Variants in PCSK5 observed in about 807,000 individuals in gnomAD.
PCSK5 encodes the protein proprotein convertase subtilisin/kexin type 5, also known as prohormone convertase 5.
PCSK5 carries 129 observed loss-of-function variants against 233.2 expected under a neutral mutation model. That is an observed-to-expected ratio of 0.55 (90% confidence interval 0.48 to 0.64). The LOEUF (loss-of-function observed/expected upper bound fraction) is 0.64, where lower values mean the gene tolerates loss of function less well. Among genes scored for constraint, PCSK5 ranks in the 30% least tolerant of loss-of-function variants. The probability of loss-of-function intolerance (pLI) is 0.00; values close to 1 mark genes in which losing one functional copy is unlikely to be tolerated. For synonymous variants in PCSK5, 825 were observed against 879.2 expected (o/e 0.94, Z 1.09); for missense variants, 2,076 against 2,430.1 (o/e 0.85, Z 3.06).
At chr9:76,083,225 AAAG>A (rs1451358617) in intron 7 of PCSK5, among the ~76,000 whole-genome samples, 10 of 151,272 alleles carry the variant, frequency 6.6e-5, no homozygotes, top group East Asian at 3.9e-4. Context: ...AAAAAAAAAA[AAAG>A]AAGAAGTATT....
At chr9:76,156,933 G>T in intron 10 of PCSK5, 112 bp from the exon 11 acceptor site, 1 of 715,622 alleles carries the variant, frequency 1.4e-6, no homozygotes, top group Non-Finnish European at 2.5e-6. Context: ...TCAAATCATT[G>T]CTGGAAAGAT....
chr9:76,135,033 A>T (rs1228475426), intron 10 of PCSK5, among the ~76,000 whole-genome samples: 4 of 152,012 alleles, frequency 2.6e-5, no homozygotes, highest in Non-Finnish European at 4.4e-5. Context: ...TTCCCAAATA[A>T]TCTTAGTATC....
At chr9:76,356,388 A>G (rs1830304146) in intron 37 of PCSK5, among the ~76,000 whole-genome samples, 1 of 152,172 alleles carries the variant, frequency 6.6e-6, no homozygotes, top group Non-Finnish European at 1.5e-5. Context: ...AAACCATATC[A>G]CAAAGGCTAA....
At chr9:76,058,409 A>T (rs1025862960) in intron 5 of PCSK5, among the ~76,000 whole-genome samples, 2 of 152,218 alleles carry the variant, frequency 1.3e-5, no homozygotes, top group African/African-American at 4.8e-5. Flanking sequence ...ACATAGTGAG[A>T]TAGAGGACAT....
chr9:76,357,796 C>T (rs778044056), intron 37 of PCSK5, among the ~76,000 whole-genome samples: 1 of 152,146 alleles, frequency 6.6e-6, no homozygotes, highest in Non-Finnish European at 1.5e-5. Context: ...AAATGTCAAA[C>T]AACAAATTGG....
At chr9:76,251,213 G>A (rs974504232) in intron 24 of PCSK5, among the ~76,000 whole-genome samples, 1 of 152,140 alleles carries the variant, frequency 6.6e-6, no homozygotes, top group African/African-American at 2.4e-5. Flanking sequence ...GCGGCAGTGA[G>A]CTATGATCAC....
chr9:76,175,286 C>A (rs375090801), intron 14 of PCSK5, 157 bp downstream of exon 14: 11,535 of 539,664 alleles, frequency 0.021, 196 homozygotes, highest in East Asian at 0.068. Context: ...CGAATCGAAT[C>A]GAATCGAATA....
intron 23 of PCSK5, 29 bp downstream of exon 23, chr9:76,239,194 C>A (rs1455925105): frequency 3.9e-6 from 6 of 1,523,662 alleles, no homozygotes; most frequent in Non-Finnish European, 8.9e-7. Flanking sequence ...CCTTGCCCAG[C>A]ACCCGAACAT....
intron 12 of PCSK5, among the ~76,000 whole-genome samples, chr9:76,169,130 G>A (rs1176565325): frequency 2.0e-5 from 3 of 152,170 alleles, no homozygotes; most frequent in South Asian, 2.1e-4. Context: ...GATACAGAGG[G>A]CCGACTGTAC....
chr9:76,355,605 G>C (rs1830280931), intron 37 of PCSK5, among the ~76,000 whole-genome samples: 1 of 152,180 alleles, frequency 6.6e-6, no homozygotes, highest in Admixed American at 6.5e-5. Context: ...TTTGTGAGTT[G>C]GTCTATTTGT....
At chr9:75,952,724 G>A (rs1337626990) in intron 2 of PCSK5, among the ~76,000 whole-genome samples, 1 of 152,130 alleles carries the variant, frequency 6.6e-6, no homozygotes, top group Admixed American at 6.5e-5. Flanking sequence ...TCGGTATGTA[G>A]TCTTTTGAGT....
At chr9:76,279,855 T>A (rs368927645) in intron 24 of PCSK5, among the ~76,000 whole-genome samples, 2 of 151,438 alleles carry the variant, frequency 1.3e-5, no homozygotes, top group African/African-American at 4.9e-5. Context: ...TTCTCCCATT[T>A]TGTAGGTTGC....
chr9:76,031,534 A>T (rs553005724), intron 5 of PCSK5, among the ~76,000 whole-genome samples: 8 of 152,216 alleles, frequency 5.3e-5, no homozygotes, highest in African/African-American at 1.9e-4. Flanking sequence ...CTAAATACAT[A>T]AATAAATAGC....
intron 2 of PCSK5, among the ~76,000 whole-genome samples, chr9:75,966,038 C>T (rs1482425381): frequency 6.6e-6 from 1 of 152,166 alleles, no homozygotes; most frequent in Non-Finnish European, 1.5e-5. Context: ...GTAGACAAGT[C>T]CAGTGCAAGG....
intron 8 of PCSK5, among the ~76,000 whole-genome samples, chr9:76,099,567 C>T (rs1359722783): frequency 2.0e-5 from 3 of 152,176 alleles, no homozygotes; most frequent in Non-Finnish European, 4.4e-5. Flanking sequence ...TAAAGAAAGA[C>T]ACTCTGATCG....
intron 7 of PCSK5, among the ~76,000 whole-genome samples, chr9:76,087,739 G>A (rs1831122614): frequency 6.6e-6 from 1 of 152,136 alleles, no homozygotes; most frequent in Non-Finnish European, 1.5e-5. Context: ...TCATTAAAAA[G>A]TCAAAAGAAC....
intron 3 of PCSK5, among the ~76,000 whole-genome samples, chr9:75,998,084 CTTAG>C (rs755797150): frequency 2.0e-5 from 3 of 152,290 alleles, no homozygotes; most frequent in African/African-American, 7.2e-5. Context: ...TGTCCTGAAA[CTTAG>C]TTAAATTAGT....
intron 2 of PCSK5, among the ~76,000 whole-genome samples, chr9:75,976,274 CCACA>C (rs10562995): frequency 0.093 from 13,136 of 141,282 alleles, 654 homozygotes; most frequent in Admixed American, 0.17. Flanking sequence ...CACACAGACA[CCACA>C]CACACACACA....
At chr9:76,130,791 C>A (rs1006266193) in intron 9 of PCSK5, among the ~76,000 whole-genome samples, 19 of 152,168 alleles carry the variant, frequency 1.2e-4, no homozygotes, top group African/African-American at 3.6e-4. Context: ...TGTTTAAGGG[C>A]ATTTGTTAAT....
Sources: allele counts gnomAD v4.1 joint callset (sites outside exome capture counted in the v4.1 genomes callset), GRCh38; gene constraint gnomAD v4.1.1; transcripts MANE v1.5; gene names NCBI Gene and HGNC (gene_info 2026-07-23, HGNC 2026-07-21).